The following PCNX2 variants were observed in gnomAD, a reference collection of about 807,000 sequenced individuals.
The protein encoded by PCNX2 is pecanex-like protein 2.
Under a neutral mutation model 223.8 loss-of-function variants are expected in PCNX2, and 168 were observed. That is an observed-to-expected ratio of 0.75 (90% CI 0.66 to 0.85). The LOEUF is 0.85. PCNX2 is among the 40% of genes least tolerant of loss of function. The pLI is 0.00. For synonymous variants in PCNX2, 1,006 were observed against 1,052.6 expected (o/e 0.96, Z 0.86); for missense variants, 2,507 against 2,675.5 (o/e 0.94, Z 1.39).
intron 19 of PCNX2, among the ~76,000 whole-genome samples, chr1:233,159,931 C>A (rs1353747530): frequency 1.3e-5 from 2 of 152,152 alleles, no homozygotes; most frequent in African/African-American, 4.8e-5. Flanking sequence ...TCTTCTTAGG[C>A]CCCAGTCAGT....
chr1:233,042,239 C>T (rs964150047), intron 25 of PCNX2, among the ~76,000 whole-genome samples: 1 of 152,210 alleles, frequency 6.6e-6, no homozygotes, highest in African/African-American at 2.4e-5. Flanking sequence ...TTTCTCTCTT[C>T]TCTTCCACTT....
At chr1:233,102,259 G>A (rs540607747) in intron 21 of PCNX2, among the ~76,000 whole-genome samples, 1 of 152,140 alleles carries the variant, frequency 6.6e-6, no homozygotes, top group African/African-American at 2.4e-5. Context: ...TATATACACG[G>A]TTTCTTTATC....
chr1:233,001,701 T>A lies in PCNX2; in HGVS notation c.4953-20A>T. The A allele has an allele frequency of 6.5e-7, 1 of 1,529,162 alleles. No individual in the cohort carries two copies. Among genetic ancestry groups the A allele is most frequent in the South Asian group, 1.3e-5 (1 of 75,882 alleles). 94.7% of individuals were successfully genotyped at this position (1,529,162 alleles called of 1,614,324 possible). A position where few individuals can be genotyped will look rare whatever the true frequency, so the allele number is the denominator to read the frequency against. On this transcript the variant is annotated intron_variant, in intron 28 of 33. Transcript: ENST00000258229. This position sits in a 1 kb window ranked among gnomAD's most constrained non-coding sequence, Gnocchi z 4.2. Reference sequence around the variant, plus strand: ...TCCAGGCTGCAAAACAAAGTCCTATTACTATGGAACAAATTTCAGAATCCT... The same window carrying A: ...TCCAGGCTGCAAAACAAAGTCCTATAACTATGGAACAAATTTCAGAATCCT...
At position 233,055,867 on chromosome 1, in the gene PCNX2, G is replaced by A. The variant is rs562513257; in HGVS notation, c.4135+1365C>T. 1.1e-4 allele frequency among the ~76,000 whole-genome samples: 17 copies of A among 152,274 alleles called. No homozygotes were observed. The South Asian group carries it at 3.5e-3, about 32-fold the overall frequency. On this transcript the variant is annotated intron_variant, in intron 24 of 33. Coordinates refer to ENST00000258229, the MANE Select transcript of PCNX2 (RefSeq NM_014801.4). ...ATGGGAACTGGGGCAAAATCAGGGT[G>A]CGGAAGGCAGGGAGTGGTACAAGAA... is the stretch of plus-strand genomic sequence containing the variant.
At chr1:233,303,238 A>C in the PCNX2 span, among the ~76,000 whole-genome samples, 1 of 152,186 alleles carries the variant, frequency 6.6e-6, no homozygotes, top group Non-Finnish European at 1.5e-5. Context: ...GAAATCAAAG[A>C]TCATTATAAA....
intron 11 of PCNX2, 24 bp downstream of exon 11, chr1:233,218,007 G>C: frequency 6.2e-7 from 1 of 1,611,982 alleles, no homozygotes; most frequent in Non-Finnish European, 8.5e-7. Flanking sequence ...ACACGCTACT[G>C]GTAAGAATTA....
At chr1:233,086,838 G>T (rs1054854208) in intron 23 of PCNX2, 1 of 171,886 alleles carries the variant, frequency 5.8e-6, no homozygotes, top group African/African-American at 2.4e-5. Context: ...GGACAGTGCT[G>T]GTCTACATGG....
intron 17 of PCNX2, among the ~76,000 whole-genome samples, chr1:233,169,421 C>A (rs368155923): frequency 6.6e-6 from 1 of 151,650 alleles, no homozygotes; most frequent in African/African-American, 2.4e-5. Flanking sequence ...CCGAGACGGG[C>A]GGATCACGAG....
rs184656541 is a variant in PCNX2, at chr1:233,173,560, G to C, written c.3273+4242C>G. Reference sequence around the variant, plus strand: ...ACTATTAGCTGCTATTCTTCTAAAGGAACCTTAGAATCATTTATCAATGTT... The same window carrying C: ...ACTATTAGCTGCTATTCTTCTAAAGCAACCTTAGAATCATTTATCAATGTT... On this transcript the variant is annotated intron_variant, in intron 17 of 33. Coordinates refer to ENST00000258229, the MANE Select transcript of PCNX2 (RefSeq NM_014801.4). 2.2e-4 allele frequency among the ~76,000 whole-genome samples: 34 copies of C among 152,252 alleles called. 1 individual carries two copies. The East Asian group carries it at 3.3e-3, about 15-fold the overall frequency.
intron 1 of PCNX2, among the ~76,000 whole-genome samples, chr1:233,287,051 G>T (rs1263270947): frequency 6.6e-6 from 1 of 152,162 alleles, no homozygotes; most frequent in Non-Finnish European, 1.5e-5. Context: ...TTTTATCTGG[G>T]ATATGGGAAG....
chr1:233,170,094 G>A (rs545481455), intron 17 of PCNX2, among the ~76,000 whole-genome samples: 1 of 152,296 alleles, frequency 6.6e-6, no homozygotes, highest in Non-Finnish European at 1.5e-5. Flanking sequence ...GCACTTTCAT[G>A]AAAAGGTGCT....
chr1:233,167,037 A>G (rs541754682), intron 17 of PCNX2, among the ~76,000 whole-genome samples: 1 of 152,286 alleles, frequency 6.6e-6, no homozygotes, highest in Non-Finnish European at 1.5e-5. Context: ...CCTCTCTTCT[A>G]GGCATATACC....
rs3033285 is a variant in PCNX2 at position 233,122,073 on chromosome 1, T to TACACAC, written c.3837+12934_3837+12939dup. The stretch of plus-strand genomic sequence containing the variant: ...CCTGTAGTGACAGAAAGTTAGAAAG[T>TACACAC]ACACACACACACACACACACACACA... On this transcript the variant is annotated intron_variant, in intron 21 of 33. Coordinates refer to ENST00000258229, the MANE Select transcript of PCNX2 (RefSeq NM_014801.4). Among the ~76,000 whole-genome samples, 783 of 131,476 alleles carry TACACAC rather than the reference T, an allele frequency of 6.0e-3. 6 individuals are homozygous for TACACAC. Among genetic ancestry groups the TACACAC allele is most frequent in the African/African-American group, 0.016 (564 of 36,064 alleles). 86.3% of individuals were successfully genotyped at this position (131,476 alleles called of 152,430 possible).
At chr1:233,205,448 C>T (rs1681385983) in intron 13 of PCNX2, among the ~76,000 whole-genome samples, 1 of 152,180 alleles carries the variant, frequency 6.6e-6, no homozygotes, top group African/African-American at 2.4e-5. Flanking sequence ...AATCCCAGCA[C>T]TTTGAGAGGC....
At chr1:233,162,444 C>T (rs182612212) in intron 17 of PCNX2, among the ~76,000 whole-genome samples, 4 of 152,280 alleles carry the variant, frequency 2.6e-5, no homozygotes, top group African/African-American at 9.6e-5. Context: ...GCAAGTCATG[C>T]TCCTTCCTGG....
intron 1 of PCNX2, among the ~76,000 whole-genome samples, chr1:233,274,025 T>C (rs1412167034): frequency 4.6e-5 from 7 of 152,336 alleles, no homozygotes; most frequent in Admixed American, 3.3e-4. Context: ...TTAAATTACA[T>C]TGTGATAAAG....
At chr1:233,304,619 A>C in the PCNX2 span, among the ~76,000 whole-genome samples, 1 of 152,230 alleles carries the variant, frequency 6.6e-6, no homozygotes, top group Non-Finnish European at 1.5e-5. Context: ...AGGGAAAGGA[A>C]GGAAGGATGG....
intron 23 of PCNX2, among the ~76,000 whole-genome samples, chr1:233,067,080 C>G (rs1205417796): frequency 6.6e-6 from 1 of 151,946 alleles, no homozygotes; most frequent in African/African-American, 2.4e-5. Flanking sequence ...GCAGCAACCC[C>G]TTTTCTCCTG....
At chr1:233,308,414 G>A in the PCNX2 span, among the ~76,000 whole-genome samples, 17 of 151,802 alleles carry the variant, frequency 1.1e-4, no homozygotes, top group African/African-American at 2.9e-4. Flanking sequence ...AGCCGAGATC[G>A]TGCCACTGCA....
Sources: allele counts gnomAD v4.1 joint callset (sites outside exome capture counted in the v4.1 genomes callset), GRCh38; gene constraint gnomAD v4.1.1; non-coding constraint Gnocchi (gnomAD v3.1); transcripts MANE v1.5; gene names NCBI Gene and HGNC (gene_info 2026-07-23, HGNC 2026-07-21).